Variants in TMEM116 observed in about 807,000 individuals in gnomAD.
TMEM116 encodes transmembrane protein 116.
A neutral mutation model predicts 44.3 loss-of-function variants in TMEM116; 38 were observed. The observed-to-expected ratio is 0.86, with a 90% CI of 0.66 to 1.12. The LOEUF is 1.12. Ranked by LOEUF, TMEM116 falls within the 50% of genes most tolerant of loss-of-function variation. The pLI is 0.00. For synonymous variants in TMEM116, 132 were observed against 144.8 expected, an observed-to-expected ratio of 0.91 and a Z score of 0.64; for missense variants, 354 against 401.7, an observed-to-expected ratio of 0.88 and a Z score of 1.01.
chr12:111,938,979 G>T (rs1312858376), intron 5 of TMEM116, among the ~76,000 whole-genome samples: 1 of 152,126 alleles, frequency 6.6e-6, no homozygotes, highest in Non-Finnish European at 1.5e-5. Context: ...TAATTAATTT[G>T]CCCCAAACAG....
intron 5 of TMEM116, among the ~76,000 whole-genome samples, chr12:111,938,649 C>T (rs1175998056): frequency 6.6e-6 from 1 of 152,088 alleles, no homozygotes; most frequent in Non-Finnish European, 1.5e-5. Flanking sequence ...ATAAGACGAC[C>T]AGTAAAAAGT....
chr12:111,943,442 T>C, intron 4 of TMEM116, 73 bp from the exon 5 acceptor site: 2 of 1,050,940 alleles, frequency 1.9e-6, no homozygotes, highest in Non-Finnish European at 2.9e-6. Context: ...ACATACTTCA[T>C]TATTTTCTAT....
At chr12:111,975,395 G>A (rs1416103406) in intron 4 of TMEM116, among the ~76,000 whole-genome samples, 3 of 152,054 alleles carry the variant, frequency 2.0e-5, no homozygotes, top group African/African-American at 7.3e-5. Flanking sequence ...GGCTCAAGCA[G>A]TCCTCCTGCC....
intron 4 of TMEM116, among the ~76,000 whole-genome samples, chr12:111,954,712 G>A (rs542911092): frequency 6.6e-6 from 1 of 152,312 alleles, no homozygotes; most frequent in South Asian, 2.1e-4. Flanking sequence ...ACCCAAACTG[G>A]TGTCTCTAAC....
At chr12:111,936,974 T>C in intron 7 of TMEM116, 144 bp from the exon 8 acceptor site, 1 of 1,041,220 alleles carries the variant, frequency 9.6e-7, no homozygotes, top group East Asian at 2.6e-5. Flanking sequence ...AGACACATTA[T>C]CTTGTAGTCA....
intron 4 of TMEM116, among the ~76,000 whole-genome samples, chr12:111,970,586 GTTTTTTT>G (rs200011351): frequency 7.5e-6 from 1 of 133,476 alleles, no homozygotes; most frequent in South Asian, 2.4e-4. Flanking sequence ...AATCAAATGG[GTTTTTTT>G]TTTTTTTTTT....
chr12:111,940,747 C>T, intron 5 of TMEM116, among the ~76,000 whole-genome samples: 1 of 151,790 alleles, frequency 6.6e-6, no homozygotes, highest in East Asian at 1.9e-4. Context: ...TGTTCTGCTG[C>T]CAGGAGCTTA....
intron 4 of TMEM116, among the ~76,000 whole-genome samples, chr12:111,961,410 G>A (rs1275826664): frequency 6.6e-5 from 10 of 152,120 alleles, no homozygotes; most frequent in Non-Finnish European, 4.4e-5. Context: ...GATGAACATC[G>A]ATGCGAAAAT....
intron 1 of TMEM116, among the ~76,000 whole-genome samples, chr12:112,009,445 T>A (rs2077735216): frequency 6.7e-6 from 1 of 150,262 alleles, no homozygotes; most frequent in Non-Finnish European, 1.5e-5. Flanking sequence ...TTAGTATTGA[T>A]CCCAAATAAG....
chr12:111,958,082 C>T (rs1306854239), intron 4 of TMEM116, among the ~76,000 whole-genome samples: 15 of 151,694 alleles, frequency 9.9e-5, no homozygotes, highest in Non-Finnish European at 2.2e-4. Context: ...GCAGCATGCT[C>T]GTTAAGAGTC....
In TMEM116 at chr12:111,975,885, T is replaced by C. The variant is rs187078415; in HGVS notation, c.210+15873A>G. On this transcript the variant is annotated intron_variant, in intron 4 of 10. Transcript: ENST00000552374. ...TGCTTAAGATTTAATTATAAGATTA[T>C]AGAATGCTTCCCCTCTCCAACACCT... is the stretch of plus-strand genomic sequence containing the variant. 8.0e-4 allele frequency among the ~76,000 whole-genome samples: 122 copies of C among 152,326 alleles called. 1 individual carries two copies. The highest frequency in any genetic ancestry group is 2.6e-3 in the African/African-American group (108 of 41,586).
At chr12:112,004,795 TTTTG>T (rs1199382441) in intron 2 of TMEM116, among the ~76,000 whole-genome samples, 2 of 151,870 alleles carry the variant, frequency 1.3e-5, no homozygotes, top group East Asian at 1.9e-4. Context: ...TATGGGGTTT[TTTTG>T]TTTGTTTTGT....
rs2076620283 is a variant in TMEM116, at chr12:111,991,804, A to G, written c.164T>C (p.Val55Ala). Residue 55 changes from valine (V) to alanine (A), a missense_variant, in exon 4 of 11, where the codon GTA becomes GCA. Coordinates refer to ENST00000552374, the MANE Select transcript of TMEM116 (RefSeq NM_001193531.2). ...ATAGCAGATGATGTCCTTATTTGCT[A>G]CTGAAGCTCCATAGAGAAGTGTCTC... ...LTETLLYGASVANKDIICYNL... is the reference protein window; with the variant it reads ...LTETLLYGASAANKDIICYNL... 1 of 1,535,712 alleles carries G rather than the reference A, an allele frequency of 6.5e-7. No homozygotes were observed. The highest frequency in any genetic ancestry group is 1.2e-5 in the South Asian group (1 of 84,050).
rs76290547 is a variant in TMEM116 at position 112,006,100 on chromosome 12, C to G, written c.-33-797G>C. 2,431 of 337,712 alleles carry G rather than the reference C, an allele frequency of 7.2e-3. 62 individuals carry two copies. The highest frequency in any genetic ancestry group is 0.05 in the African/African-American group (2,265 of 44,910). 20.9% of individuals were successfully genotyped at this position (337,712 alleles called of 1,614,324 possible). A position where few individuals can be genotyped will look rare whatever the true frequency, so the allele number is the denominator to read the frequency against. On this transcript the variant is annotated intron_variant, in intron 1 of 10. Coordinates refer to ENST00000552374, the MANE Select transcript of TMEM116 (RefSeq NM_001193531.2). ...GCTCCACCCCTATCCCAGCTGGGCT[C>G]CTCCTATACTGAATCCTGCTCTGTA...
intron 4 of TMEM116, among the ~76,000 whole-genome samples, chr12:111,964,770 C>T (rs190667847): frequency 7.9e-5 from 12 of 152,272 alleles, no homozygotes; most frequent in Admixed American, 5.2e-4. Flanking sequence ...TCACTGTAGC[C>T]GCGACCTCCT....
chr12:112,002,101 T>C (rs2077289105), intron 3 of TMEM116, among the ~76,000 whole-genome samples: 1 of 152,198 alleles, frequency 6.6e-6, no homozygotes, highest in African/African-American at 2.4e-5. Flanking sequence ...CAAATCTATC[T>C]AGAATAAATA....
At chr12:112,007,501 T>C (rs1374641389) in intron 1 of TMEM116, among the ~76,000 whole-genome samples, 1 of 152,110 alleles carries the variant, frequency 6.6e-6, no homozygotes, top group Non-Finnish European at 1.5e-5. Context: ...AGACCAGACA[T>C]TGTTAAATAG....
At chr12:111,986,865 G>A (rs902615097) in intron 4 of TMEM116, among the ~76,000 whole-genome samples, 3 of 152,092 alleles carry the variant, frequency 2.0e-5, no homozygotes, top group Non-Finnish European at 4.4e-5. Context: ...CAAGAATGAA[G>A]TTGGACCCTT....
chr12:111,986,371 G>A (rs892973062), intron 4 of TMEM116, among the ~76,000 whole-genome samples: 2 of 151,230 alleles, frequency 1.3e-5, no homozygotes, highest in Non-Finnish European at 3.0e-5. Flanking sequence ...AAAGAAAAAA[G>A]AATAAAAAGT....
Sources: gnomAD v4.1 joint callset for allele counts (sites outside exome capture counted in the v4.1 genomes callset) on GRCh38, gnomAD v4.1.1 for gene constraint, MANE v1.5 for transcripts, NCBI Gene and HGNC (gene_info 2026-07-23, HGNC 2026-07-21) for gene names.